DPY19L1: variants seen among roughly 807,000 people sequenced by gnomAD.
DPY19L1 encodes protein C-mannosyl-transferase DPY19L1.
Under a neutral mutation model 96.9 loss-of-function variants are expected in DPY19L1, and 35 were observed. The ratio of observed to expected loss-of-function variants is 0.36; its 90% CI spans 0.28 to 0.48. The LOEUF is 0.48. Among genes scored for constraint, DPY19L1 ranks in the 20% least tolerant of loss-of-function variants. The pLI is 0.99. For missense variants in DPY19L1, 521 were observed against 777.9 expected (o/e 0.67, Z 3.93); for synonymous variants, 205 against 252.6 (o/e 0.81, Z 1.79).
chr7:35,030,217 A>G (rs1786227563), intron 1 of DPY19L1, among the ~76,000 whole-genome samples: 1 of 152,264 alleles, frequency 6.6e-6, no homozygotes, highest in South Asian at 2.1e-4. Flanking sequence ...AAAAAGTAGT[A>G]ATTACTGTTA....
At position 35,037,400 on chromosome 7, in the gene DPY19L1, C is replaced by A; in HGVS notation, c.-6G>T. 1 of 338,770 alleles carries A rather than the reference C, an allele frequency of 3.0e-6. No individual in the cohort carries two copies. Among genetic ancestry groups the A allele is most frequent in the Non-Finnish European group, 5.3e-6 (1 of 187,360 alleles). 21.0% of individuals were successfully genotyped at this position (338,770 alleles called of 1,614,324 possible). A position where few individuals can be genotyped will look rare whatever the true frequency, so the allele number is the denominator to read the frequency against. Reference sequence around the variant, plus strand: ...TTCCGCGCCTGCAGGACCATCTTGGCATAGTCGCGCCCGCTCGCTGCGCGC... The same window carrying A: ...TTCCGCGCCTGCAGGACCATCTTGGAATAGTCGCGCCCGCTCGCTGCGCGC... On this transcript the variant is annotated 5_prime_UTR_variant, in exon 1 of 22. The change abolishes an upstream ATG in the 5' untranslated region. Transcript: ENST00000638088.
At chr7:34,965,400 C>T (rs58326342) in intron 10 of DPY19L1, among the ~76,000 whole-genome samples, 1,874 of 152,102 alleles carry the variant, frequency 0.012, 29 homozygotes, top group African/African-American at 0.042. Flanking sequence ...TTGCATAAAC[C>T]TTACAAAGAA....
Position 34,960,077 on chromosome 7 carries a change from C to A in DPY19L1, c.1093-2007G>T, listed in dbSNP as rs971523749. Among the ~76,000 whole-genome samples the A allele has an allele frequency of 2.7e-5, 4 of 150,264 alleles. No homozygotes were observed. In the East Asian group the frequency reaches 7.8e-4, roughly 29 times the overall value. On this transcript the variant is annotated intron_variant, in intron 10 of 21. Transcript: ENST00000638088. ...ATGTTAGCAAATTTATCTTTCATTT[C>A]CTTTAGGTCTTTGGATTTATCTGTC... is the stretch of plus-strand genomic sequence containing the variant.
At position 35,017,951 on chromosome 7, in the gene DPY19L1, G is replaced by C. The variant is rs760760479; in HGVS notation, c.342C>G (p.Leu114=). The C allele has an allele frequency of 6.2e-7, 1 of 1,605,752 alleles. No individual in the cohort carries two copies. The highest frequency in any genetic ancestry group is 1.3e-5 in the African/African-American group (1 of 74,714). The part of the protein sequence containing the change: ...AVLHWSHITH[L]FENDRHFSHL... ...GAGAAAAATGACGGTCATTTTCAAA[G>C]AGGTGTGTTATATGGCTCCTGGAAA... The change falls in exon 3 of 22, where the codon CTC becomes CTG. Residue 114 remains leucine, a synonymous_variant. Coordinates refer to ENST00000638088, the MANE Select transcript of DPY19L1 (RefSeq NM_001366673.1).
intron 7 of DPY19L1, among the ~76,000 whole-genome samples, chr7:34,982,541 G>A (rs1784962771): frequency 6.6e-6 from 1 of 152,176 alleles, no homozygotes; most frequent in Non-Finnish European, 1.5e-5. Flanking sequence ...TTGTTGTACT[G>A]CCTTTTTAGT....
At chr7:34,965,110 TTACC>T (rs2128666563) in intron 10 of DPY19L1, among the ~76,000 whole-genome samples, 1 of 152,196 alleles carries the variant, frequency 6.6e-6, no homozygotes, top group Non-Finnish European at 1.5e-5. Flanking sequence ...TGTACATAAT[TTACC>T]ACCCAACAAG....
chr7:35,023,036 A>G (rs1786032498), intron 1 of DPY19L1, among the ~76,000 whole-genome samples: 1 of 151,982 alleles, frequency 6.6e-6, no homozygotes, highest in Admixed American at 6.5e-5. Flanking sequence ...TCTTCCCAGC[A>G]TATCTAGTGT....
chr7:35,023,067 A>G (rs750648002), intron 1 of DPY19L1, among the ~76,000 whole-genome samples: 1 of 151,928 alleles, frequency 6.6e-6, no homozygotes, highest in Non-Finnish European at 1.5e-5. Flanking sequence ...TGGGGAGGGG[A>G]GTTCTCCCAC....
intron 1 of DPY19L1, among the ~76,000 whole-genome samples, chr7:35,031,070 TA>T (rs1786248708): frequency 6.6e-6 from 1 of 152,122 alleles, no homozygotes; most frequent in African/African-American, 2.4e-5. Context: ...AATTTAGGAT[TA>T]AACATATGAA....
intron 9 of DPY19L1, among the ~76,000 whole-genome samples, 196 bp from the exon 10 acceptor site, chr7:34,967,167 GAC>G (rs1437904612): frequency 1.3e-5 from 2 of 151,984 alleles, no homozygotes; most frequent in African/African-American, 2.4e-5. Flanking sequence ...TTTTCTCTCT[GAC>G]ACACAGCTTT....
At chr7:34,956,998 C>T (rs1784392400) in intron 11 of DPY19L1, among the ~76,000 whole-genome samples, 1 of 152,110 alleles carries the variant, frequency 6.6e-6, no homozygotes, top group South Asian at 2.1e-4. Flanking sequence ...GTACTTTAAA[C>T]ATAAGGAATA....
intron 1 of DPY19L1, among the ~76,000 whole-genome samples, chr7:35,021,981 A>AG (rs1293772673): frequency 6.6e-6 from 1 of 152,216 alleles, no homozygotes; most frequent in Non-Finnish European, 1.5e-5. Flanking sequence ...TGAACATGAA[A>AG]GTCCCAGTAA....
chr7:34,998,086 A>C (rs1166950456), intron 6 of DPY19L1, among the ~76,000 whole-genome samples: 4 of 152,258 alleles, frequency 2.6e-5, no homozygotes, highest in Admixed American at 2.6e-4. Flanking sequence ...AATCTCTCAG[A>C]TATCAGAGAA....
intron 9 of DPY19L1, among the ~76,000 whole-genome samples, chr7:34,968,767 G>GC (rs1784662407): frequency 2.4e-4 from 2 of 8,434 alleles, no homozygotes; most frequent in Non-Finnish European, 4.5e-4. Context: ...AGACTCCATC[G>GC]CAAAAAAAAA....
chr7:35,011,816 T>C (rs1357623584), intron 4 of DPY19L1, among the ~76,000 whole-genome samples: 2 of 152,238 alleles, frequency 1.3e-5, no homozygotes, highest in Non-Finnish European at 2.9e-5. Flanking sequence ...AATTAATTCA[T>C]AAACATAAAA....
rs763091779 is a variant in DPY19L1, at chr7:34,947,662, C to T, written c.1462G>A (p.Val488Ile). 8.7e-6 allele frequency: 14 copies of T among 1,612,044 alleles called. No individual in the cohort carries two copies. Among genetic ancestry groups the T allele is most frequent in the Non-Finnish European group, 1.1e-5 (13 of 1,179,014 alleles). Reference sequence around the variant, plus strand: ...ACAATAGCAACAAACACTACAAGAACAACTGGAAGCAATAATGTCTTTGTG... The same window carrying T: ...ACAATAGCAACAAACACTACAAGAATAACTGGAAGCAATAATGTCTTTGTG... ...RYTKTLLLPV[V>I]LVVFVAIVRK... Residue 488 changes from valine (V) to isoleucine (I), a missense_variant, in exon 15 of 22, where the codon GTT becomes ATT. Physicochemically the swap from Val to Ile is conservative, Grantham distance 29. Coordinates refer to ENST00000638088, the MANE Select transcript of DPY19L1 (RefSeq NM_001366673.1).
Position 34,931,086 on chromosome 7 carries a change from C to G in DPY19L1, c.*487G>C, listed in dbSNP as rs1783742972. The G allele has an allele frequency of 6.6e-6, 1 of 152,428 alleles. No homozygotes were observed. Among genetic ancestry groups the G allele is most frequent in the Non-Finnish European group, 1.5e-5 (1 of 68,220 alleles). The allele number at this position is 152,428 out of a possible 1,614,324, so 9.4% of individuals were successfully genotyped here. On this transcript the variant is annotated 3_prime_UTR_variant, in exon 22 of 22. Coordinates refer to ENST00000638088, the MANE Select transcript of DPY19L1 (RefSeq NM_001366673.1). ...ATATAGCAAACACTCCATGTCTGCC[C>G]CATCTACTGTAACTCAAGTTGATGA...
intron 7 of DPY19L1, among the ~76,000 whole-genome samples, chr7:34,980,362 T>C (rs1477231930): frequency 6.6e-6 from 1 of 152,000 alleles, no homozygotes; most frequent in Non-Finnish European, 1.5e-5. Flanking sequence ...TGACCTACAG[T>C]AGGCAAAGAT....
chr7:34,948,593 T>C (rs1279373586), intron 14 of DPY19L1, among the ~76,000 whole-genome samples: 7 of 152,252 alleles, frequency 4.6e-5, no homozygotes, highest in African/African-American at 1.2e-4. Flanking sequence ...CAATAAATTA[T>C]TTCTTTCATC....
Sources: allele counts gnomAD v4.1 joint callset (sites outside exome capture counted in the v4.1 genomes callset), GRCh38; gene constraint gnomAD v4.1.1; transcripts MANE v1.5; gene names NCBI Gene and HGNC (gene_info 2026-07-23, HGNC 2026-07-21).